Variants in KIAA1549 observed in about 807,000 individuals in gnomAD.
KIAA1549 encodes UPF0606 protein KIAA1549.
KIAA1549 carries 70 observed loss-of-function variants against 156.4 expected under a neutral mutation model. The observed-to-expected ratio is 0.45, with a 90% CI of 0.37 to 0.55. The LOEUF is 0.55. Ranked by LOEUF, KIAA1549 falls within the 20% of genes least tolerant of loss-of-function variation. The probability of loss-of-function intolerance (pLI) is 0.00; values close to 1 mark genes in which losing one functional copy is unlikely to be tolerated. For missense variants in KIAA1549, 2,428 were observed against 2,540.9 expected (o/e 0.96, Z 0.96); for synonymous variants, 1,103 against 1,066.4 (o/e 1.03, Z -0.67).
chr7:138,979,385 G>A (rs908290664), intron 1 of KIAA1549, among the ~76,000 whole-genome samples: 5 of 152,186 alleles, frequency 3.3e-5, no homozygotes, highest in African/African-American at 1.2e-4. Flanking sequence ...ACATTCATAT[G>A]GGGAAGCCAT....
Position 138,899,052 on chromosome 7 carries a change from T to A in KIAA1549, c.3750A>T (p.Arg1250Ser), listed in dbSNP as rs548352727. Residue 1250 changes from arginine (R) to serine (S), a missense_variant, in exon 9 of 20, where the codon AGA becomes AGT. Physicochemically the swap from Arg to Ser is moderately radical, Grantham distance 110 (BLOSUM62 -1). This residue lies in a region of KIAA1549 where 762 missense variants were observed against 901.6 expected (regional missense o/e 0.85). Transcript: ENST00000422774. ...GGTCCGAAGACTTGACTGCACTGAGTCTTTCTCCATCTTGATCCTCCACAA... is the reference window on the plus strand; with the variant it reads ...GGTCCGAAGACTTGACTGCACTGAGACTTTCTCCATCTTGATCCTCCACAA... ...IYFVEDQDGE[R>S]LSAVKSSDLI... 6.2e-7 allele frequency: 1 copy of A among 1,613,696 alleles called. No homozygotes were observed. The highest frequency in any genetic ancestry group is 1.1e-5 in the South Asian group (1 of 91,058).
intron 1 of KIAA1549, among the ~76,000 whole-genome samples, chr7:138,963,132 T>C (rs1813904940): frequency 6.6e-6 from 1 of 152,240 alleles, no homozygotes; most frequent in Non-Finnish European, 1.5e-5. Context: ...GGCTGAGTCA[T>C]GCAGACATGT....
chr7:138,854,786 A>G (rs1052143395), intron 16 of KIAA1549, among the ~76,000 whole-genome samples: 1 of 152,230 alleles, frequency 6.6e-6, no homozygotes, highest in Non-Finnish European at 1.5e-5. Context: ...TATTAAAAAA[A>G]TCTTACTATG....
chr7:138,945,086 C>G (rs1293158737), intron 1 of KIAA1549, among the ~76,000 whole-genome samples: 2 of 152,226 alleles, frequency 1.3e-5, no homozygotes, highest in Non-Finnish European at 2.9e-5. Context: ...ATACCCTTAT[C>G]CCAGTTTAAC....
chr7:138,909,817 G>A, intron 4 of KIAA1549, among the ~76,000 whole-genome samples: 1 of 151,890 alleles, frequency 6.6e-6, no homozygotes. Context: ...CATGGTGGTG[G>A]GTGCTTGTAA....
At position 138,917,735 on chromosome 7, in the gene KIAA1549, G is replaced by A. The variant is rs1267468907; in HGVS notation, c.1891C>T (p.Pro631Ser). Reference sequence around the variant, plus strand: ...GAGATGGAGCCGCTGAGTTCCAGCGGGGGTGTTGAGAAAAAGCTGGATGCA... The same window carrying A: ...GAGATGGAGCCGCTGAGTTCCAGCGAGGGTGTTGAGAAAAAGCTGGATGCA... ...DFASSFFSTP[P>S]LELSGSISSP... is the part of the protein sequence containing the mutation. The change falls in exon 2 of 20, where the codon CCG becomes TCG. Residue 631 changes from proline (P) to serine (S), a missense_variant. Coordinates refer to ENST00000422774, the MANE Select transcript of KIAA1549 (RefSeq NM_001164665.2). 4.4e-6 allele frequency: 7 copies of A among 1,588,970 alleles called. No homozygotes were observed. Among genetic ancestry groups the A allele is most frequent in the Non-Finnish European group, 6.0e-6 (7 of 1,167,522 alleles).
intron 1 of KIAA1549, among the ~76,000 whole-genome samples, chr7:138,969,053 GT>G (rs1814133183): frequency 6.6e-6 from 1 of 152,026 alleles, no homozygotes; most frequent in Non-Finnish European, 1.5e-5. Flanking sequence ...GTACCCAATA[GT>G]TATCTTTTCT....
At chr7:138,935,958 T>G (rs1243089009) in intron 1 of KIAA1549, among the ~76,000 whole-genome samples, 1 of 152,130 alleles carries the variant, frequency 6.6e-6, no homozygotes, top group Non-Finnish European at 1.5e-5. Flanking sequence ...CCCAAGAGTG[T>G]GAGAATGTTG....
intron 12 of KIAA1549, chr7:138,876,448 T>C (rs1442055466): frequency 6.6e-6 from 1 of 152,266 alleles, no homozygotes; most frequent in South Asian, 2.1e-4. Flanking sequence ...TTAGTCTATA[T>C]GCTGCTGAAG....
chr7:138,906,879 G>A (rs376504331), intron 6 of KIAA1549, 40 bp downstream of exon 6: 182 of 1,345,928 alleles, frequency 1.4e-4, no homozygotes, highest in Non-Finnish European at 1.6e-4. Flanking sequence ...AAAAATGCCC[G>A]CCATCACCTC....
chr7:138,923,785 G>C (rs1812632207), intron 1 of KIAA1549, among the ~76,000 whole-genome samples: 1 of 152,130 alleles, frequency 6.6e-6, no homozygotes, highest in Non-Finnish European at 1.5e-5. Context: ...CAGAGATGGA[G>C]ATCAAGAGTT....
intron 1 of KIAA1549, among the ~76,000 whole-genome samples, chr7:138,940,076 A>G (rs1813133632): frequency 6.6e-6 from 1 of 152,260 alleles, no homozygotes; most frequent in African/African-American, 2.4e-5. Flanking sequence ...CAGGTTTGTT[A>G]CATATGTATA....
intron 1 of KIAA1549, among the ~76,000 whole-genome samples, chr7:138,930,661 C>G (rs1206462952): frequency 1.3e-5 from 2 of 152,228 alleles, no homozygotes; most frequent in Non-Finnish European, 2.9e-5. Flanking sequence ...GAGGATCAAA[C>G]AGAGTTAGAG....
chr7:138,930,617 T>C (rs1367027555), intron 1 of KIAA1549, among the ~76,000 whole-genome samples: 1 of 152,256 alleles, frequency 6.6e-6, no homozygotes, highest in East Asian at 1.9e-4. Flanking sequence ...TTCAAACTTT[T>C]CTTCTGCAGC....
intron 18 of KIAA1549, among the ~76,000 whole-genome samples, chr7:138,843,904 CTTTTG>C (rs960693733): frequency 2.0e-5 from 3 of 152,130 alleles, no homozygotes; most frequent in Admixed American, 6.5e-5. Context: ...AAACTACTTG[CTTTTG>C]TTTTGTTTTG....
chr7:138,924,474 G>A (rs766249476), intron 1 of KIAA1549, among the ~76,000 whole-genome samples: 2 of 152,108 alleles, frequency 1.3e-5, no homozygotes, highest in African/African-American at 2.4e-5. Context: ...GAAGAGCAAC[G>A]TTTAGTGGCT....
intron 16 of KIAA1549, among the ~76,000 whole-genome samples, chr7:138,857,282 A>G (rs1349768877): frequency 2.0e-5 from 3 of 152,148 alleles, no homozygotes; most frequent in Non-Finnish European, 2.9e-5. Context: ...TTCTCTGGAG[A>G]ACCCTGATTA....
At chr7:138,953,484 G>T (rs901201797) in intron 1 of KIAA1549, among the ~76,000 whole-genome samples, 1 of 151,870 alleles carries the variant, frequency 6.6e-6, no homozygotes, top group East Asian at 1.9e-4. Context: ...TTTAAGAAGG[G>T]TCATCCCTCC....
rs1057338725 is a variant in KIAA1549 at position 138,868,080 on chromosome 7, G to A, written c.4824C>T (p.Asn1608=). ...CCTTCTCAGCGTCGGCAGGACAGCCGTTGACCTGGTGTTTCCGGCGAGGCT... is the reference window on the plus strand; with the variant it reads ...CCTTCTCAGCGTCGGCAGGACAGCCATTGACCTGGTGTTTCCGGCGAGGCT... ...SPKPRRKHQV[N]GCPADAEKDR... The change falls in exon 15 of 20, where the codon AAC becomes AAT. Residue 1608 remains asparagine (N), a synonymous_variant. Coordinates refer to ENST00000422774, the MANE Select transcript of KIAA1549 (RefSeq NM_001164665.2). 5.0e-6 allele frequency: 8 copies of A among 1,613,712 alleles called. No individual in the cohort carries two copies. In the Admixed American group the frequency reaches 5.0e-5, roughly 10 times the overall value.
Sources: gnomAD v4.1 joint callset for allele counts (sites outside exome capture counted in the v4.1 genomes callset) on GRCh38, gnomAD v4.1.1 for gene constraint, gnomAD v4.1.1 regional missense constraint, MANE v1.5 for transcripts, NCBI Gene and HGNC (gene_info 2026-07-23, HGNC 2026-07-21) for gene names.